The following PCDH18 variants were observed in gnomAD, a reference collection of about 807,000 sequenced individuals.
PCDH18 encodes protocadherin-18.
A neutral mutation model predicts 71.5 loss-of-function variants in PCDH18; 38 were observed. That is an observed-to-expected ratio of 0.53 (90% confidence interval 0.41 to 0.70). The LOEUF (loss-of-function observed/expected upper bound fraction) is 0.70. Ranked by LOEUF, PCDH18 falls within the 30% of genes least tolerant of loss-of-function variation. PCDH18 has a pLI of 0.00. For synonymous variants in PCDH18, 565 were observed against 505.4 expected, an observed-to-expected ratio of 1.12 and a Z score of -1.58; for missense variants, 1,334 against 1,384.6, an observed-to-expected ratio of 0.96 and a Z score of 0.58.
Position 137,521,293 on chromosome 4 carries a change from A to G in PCDH18, c.3144T>C (p.Gly1048=). The change falls in exon 4 of 4, where the codon GGT becomes GGC. Residue 1048 remains glycine, a synonymous_variant. Transcript: ENST00000344876. ...RKGPLPAKTV[G]YPQGVAAWAA... ...CCCATGCCGCTACCCCCTGTGGGTA[A>G]CCCACAGTTTTGGCTGGCAAGGGTC... 1.2e-6 allele frequency: 2 copies of G among 1,614,142 alleles called. No individual in the cohort carries two copies. Among genetic ancestry groups the G allele is most frequent in the Non-Finnish European group, 8.5e-7 (1 of 1,180,022 alleles).
chr4:137,525,818 T>C (rs1731437036), intron 3 of PCDH18, among the ~76,000 whole-genome samples: 1 of 152,046 alleles, frequency 6.6e-6, no homozygotes, highest in Non-Finnish European at 1.5e-5. Context: ...GCCACACCCA[T>C]GGTTAAGTGT....
intron 3 of PCDH18, among the ~76,000 whole-genome samples, chr4:137,522,307 A>C (rs917971453): frequency 6.6e-6 from 1 of 152,194 alleles, no homozygotes; most frequent in Non-Finnish European, 1.5e-5. Context: ...TCTTTTAAAG[A>C]TTCAAAATAT....
chr4:137,525,560 C>T (rs1731425477), intron 3 of PCDH18, among the ~76,000 whole-genome samples: 1 of 152,064 alleles, frequency 6.6e-6, no homozygotes, highest in Non-Finnish European at 1.5e-5. Flanking sequence ...GAATATGTGT[C>T]ATCAAAATTA....
rs1263156059 is a variant in PCDH18, at chr4:137,528,430, TG to T, written c.2740+47del. On this transcript the variant is annotated intron_variant, in intron 3 of 3. Coordinates refer to ENST00000344876, the MANE Select transcript of PCDH18 (RefSeq NM_019035.5). ...TGAGAGAAATTTTTCATTTTACTGG[TG>T]TCACGGTAGACCTGAAAATAAAGAT... The T allele has an allele frequency of 2.7e-6, 4 of 1,489,644 alleles. No individual in the cohort carries two copies. In the East Asian group the frequency reaches 9.0e-5, roughly 34 times the overall value. The allele number at this position is 1,489,644 out of a possible 1,614,324, so 92.3% of individuals were successfully genotyped here.
rs193060222 is a variant in PCDH18, at chr4:137,528,553, G to A, written c.2665C>T (p.Arg889Ter). ...EAGDSDYDLG[R>*]DSPIDRLLGE... ...AACAGCCTATCTATTGGAGAATCTCGCCCCAAATCATAATCACTGTCTCCT... is the reference window on the plus strand; with the variant it reads ...AACAGCCTATCTATTGGAGAATCTCACCCCAAATCATAATCACTGTCTCCT... The change falls in exon 3 of 4, where the codon CGA (arginine) becomes TGA (stop). Residue 889 changes from arginine to a stop codon, truncating the protein, a stop_gained. Transcript: ENST00000344876. LOFTEE classifies it high-confidence loss of function. The A allele has an allele frequency of 2.2e-5, 35 of 1,613,688 alleles. No individual in the cohort carries two copies. In the Admixed American group the frequency reaches 2.7e-4, roughly 12 times the overall value.
Position 137,521,359 on chromosome 4 carries a change from G to A in PCDH18, c.3078C>T (p.Cys1026=). 6.2e-7 allele frequency: 1 copy of A among 1,614,160 alleles called. No homozygotes were observed. The highest frequency in any genetic ancestry group is 8.5e-7 in the Non-Finnish European group (1 of 1,180,012). ...GGGAGTTGGACCGATCCACCTCACT[G>A]CATTCAGAATAGGTGTCCAGGGAAG... ...LPPSLDTYSE[C]SEVDRSNSLE... The change falls in exon 4 of 4, where the codon TGC becomes TGT. Residue 1026 remains cysteine (C), a synonymous_variant. Transcript: ENST00000344876.
chr4:137,521,752 G>A, intron 3 of PCDH18, 56 bp from the exon 4 acceptor site: 1 of 1,352,756 alleles, frequency 7.4e-7, no homozygotes, highest in East Asian at 2.3e-5. Flanking sequence ...GATTCAAAAT[G>A]ATGCAAAAAT....
intron 3 of PCDH18, among the ~76,000 whole-genome samples, chr4:137,526,349 C>T (rs1731459503): frequency 6.6e-6 from 1 of 151,898 alleles, no homozygotes; most frequent in South Asian, 2.1e-4. Flanking sequence ...TGATGTCATG[C>T]CCACTATGTT....
chr4:137,526,128 T>C (rs1341951383), intron 3 of PCDH18, among the ~76,000 whole-genome samples: 1 of 151,658 alleles, frequency 6.6e-6, no homozygotes. Context: ...TTAGAAAATA[T>C]AAGAAAAAGT....
At position 137,521,592 on chromosome 4, in the gene PCDH18, T is replaced by C; in HGVS notation, c.2845A>G (p.Ile949Val). Residue 949 changes from isoleucine to valine, a missense_variant, in exon 4 of 4, where the codon ATT becomes GTT. Physicochemically the swap from Ile to Val is conservative, Grantham distance 29. Coordinates refer to ENST00000344876, the MANE Select transcript of PCDH18 (RefSeq NM_019035.5). The stretch of plus-strand genomic sequence containing the variant: ...TGCGTTGGGAATTCTTCCCCTGGAA[T>C]GAACATGTTACTCCTATAATCAGAA... ...PSSDYRSNMF[I>V]PGEEFPTQPQ... 6.2e-7 allele frequency: 1 copy of C among 1,614,022 alleles called. No homozygotes were observed. The highest frequency in any genetic ancestry group is 8.5e-7 in the Non-Finnish European group (1 of 1,180,016).
rs1337507756 is a variant in PCDH18, at chr4:137,519,953, A to G, written c.*1076T>C. The G allele has an allele frequency of 6.6e-6, 1 of 152,630 alleles. No homozygotes were observed. Among genetic ancestry groups the G allele is most frequent in the Non-Finnish European group, 1.5e-5 (1 of 68,046 alleles). 9.5% of individuals were successfully genotyped at this position (152,630 alleles called of 1,614,324 possible). On this transcript the variant is annotated 3_prime_UTR_variant, in exon 4 of 4. Transcript: ENST00000344876. Reference sequence around the variant, plus strand: ...AATATGATTTTATAAATGTTCTTATACTAAAAATAAAAGCAAAAATATGAG... The same window carrying G: ...AATATGATTTTATAAATGTTCTTATGCTAAAAATAAAAGCAAAAATATGAG...
Position 137,530,337 on chromosome 4 carries a change from A to G in PCDH18, c.1752T>C (p.Asn584=). 6.2e-7 allele frequency: 1 copy of G among 1,613,528 alleles called. No individual in the cohort carries two copies. The highest frequency in any genetic ancestry group is 8.5e-7 in the Non-Finnish European group (1 of 1,179,562). ...CTTTGGGAATGGTGATTTCTGCCGT[A>G]TTATTACGCAATGCAGGCCCTATAA... ...PVVIGPALRN[N]TAEITIPKGA... is the part of the protein sequence containing the mutation. Residue 584 remains asparagine (N), a synonymous_variant, in exon 1 of 4, where the codon AAT becomes AAC. Transcript: ENST00000344876.
chr4:137,530,144 A>G lies in PCDH18; in HGVS notation c.1945T>C (p.Tyr649His). 1 of 1,612,988 alleles carries G rather than the reference A, an allele frequency of 6.2e-7. No individual in the cohort carries two copies. Among genetic ancestry groups the G allele is most frequent in the Non-Finnish European group, 8.5e-7 (1 of 1,179,130 alleles). The change falls in exon 1 of 4, where the codon TAC becomes CAC. Residue 649 changes from tyrosine (Y) to histidine (H), a missense_variant. Around this residue, in one of 3 missense-constraint regions of PCDH18, gnomAD observed 1,011 missense variants for 1,048.0 expected, o/e 0.96. Coordinates refer to ENST00000344876, the MANE Select transcript of PCDH18 (RefSeq NM_019035.5). Reference protein sequence around the residue: ...HTNVSMDSVPYTEWELSVIIQ... With the variant: ...HTNVSMDSVPHTEWELSVIIQ... ...ATAACTGACAGCTCCCATTCTGTGT[A>G]GGGAACAGAATCCATGCTAACGTTG...
chr4:137,526,958 T>TAAAAAAAAA (rs750084137), intron 3 of PCDH18, among the ~76,000 whole-genome samples: 4 of 127,732 alleles, frequency 3.1e-5, no homozygotes, highest in Non-Finnish European at 6.6e-5. Flanking sequence ...TTCCAAATCT[T>TAAAAAAAAA]AAAAAAAAAA....
At chr4:137,525,825 G>A (rs890533069) in intron 3 of PCDH18, among the ~76,000 whole-genome samples, 3 of 152,036 alleles carry the variant, frequency 2.0e-5, no homozygotes, top group African/African-American at 7.2e-5. Flanking sequence ...CCATGGTTAA[G>A]TGTGATTGTG....
At position 137,521,686 on chromosome 4, in the gene PCDH18, G is replaced by C. The variant is rs764143822; in HGVS notation, c.2751C>G (p.Leu917=). The part of the protein sequence containing the change: ...TDGRIPAAMR[L]CTEECRVLGH... ...CCAGGACCCTGCACTCCTCCGTGCAGAGTCTCATAGCTGCACTCAAGAAAA... is the reference window on the plus strand; with the variant it reads ...CCAGGACCCTGCACTCCTCCGTGCACAGTCTCATAGCTGCACTCAAGAAAA... Residue 917 remains leucine (L), a synonymous_variant, in exon 4 of 4, where the codon CTC becomes CTG. Transcript: ENST00000344876. The C allele has an allele frequency of 2.5e-5, 40 of 1,602,062 alleles. No individual in the cohort carries two copies. Among genetic ancestry groups the C allele is most frequent in the Non-Finnish European group, 3.4e-5 (40 of 1,175,300 alleles).
Position 137,530,308 on chromosome 4 carries a change from G to A in PCDH18, c.1781C>T (p.Ala594Val), listed in dbSNP as rs776495217. Residue 594 changes from alanine to valine, a missense_variant, in exon 1 of 4, where the codon GCT (alanine) becomes GTT (valine). Ala to Val is a moderately conservative substitution (Grantham distance 64, BLOSUM62 0). Around this residue, in one of 3 missense-constraint regions of PCDH18, gnomAD observed 1,011 missense variants for 1,048.0 expected, o/e 0.96. Transcript: ENST00000344876. Reference sequence around the variant, plus strand: ...TCTTGTGACATGAAAGCCACTTTCAGCCCCTTTGGGAATGGTGATTTCTGC... The same window carrying A: ...TCTTGTGACATGAAAGCCACTTTCAACCCCTTTGGGAATGGTGATTTCTGC... ...NTAEITIPKG[A>V]ESGFHVTRIR... is the part of the protein sequence containing the mutation. 1 of 1,613,524 alleles carries A rather than the reference G, an allele frequency of 6.2e-7. No individual in the cohort carries two copies. The highest frequency in any genetic ancestry group is 2.2e-5 in the East Asian group (1 of 44,856).
In PCDH18 at chr4:137,531,149, A is replaced by C; in HGVS notation, c.940T>G (p.Tyr314Asp). ...ATCTCATAGGATTTGGTGATTTCAT[A>C]ATCCACTTGCTTGAAAAGAGTCAAA... The part of the protein sequence containing the change: ...GHLTLFKQVD[Y>D]EITKSYEIDV... Residue 314 changes from tyrosine (Y) to aspartate (D), a missense_variant, in exon 1 of 4, where the codon TAT (tyrosine) becomes GAT (aspartate). Transcript: ENST00000344876. 1 of 1,613,772 alleles carries C rather than the reference A, an allele frequency of 6.2e-7. No individual in the cohort carries two copies. The highest frequency in any genetic ancestry group is 8.5e-7 in the Non-Finnish European group (1 of 1,179,754).
intron 3 of PCDH18, among the ~76,000 whole-genome samples, chr4:137,523,738 C>G (rs1731368511): frequency 1.3e-5 from 2 of 151,996 alleles, no homozygotes; most frequent in South Asian, 4.1e-4. Flanking sequence ...CAATACAATG[C>G]AAAAATACAA....
Sources: allele counts gnomAD v4.1 joint callset (sites outside exome capture counted in the v4.1 genomes callset), GRCh38; gene constraint gnomAD v4.1.1; regional missense constraint gnomAD v4.1.1; transcripts MANE v1.5; gene names NCBI Gene and HGNC (gene_info 2026-07-23, HGNC 2026-07-21).